PPP1R1A: variants seen among roughly 807,000 people sequenced by gnomAD.
PPP1R1A encodes protein phosphatase 1 regulatory subunit 1A.
Under a neutral mutation model 23.9 loss-of-function variants are expected in PPP1R1A, and 18 were observed. That is an observed-to-expected ratio of 0.75 (90% CI 0.52 to 1.12). The LOEUF (loss-of-function observed/expected upper bound fraction) is 1.12. Among genes scored for constraint, PPP1R1A ranks in the 50% most tolerant of loss-of-function variants. PPP1R1A has a pLI of 0.00. For missense variants in PPP1R1A, 207 were observed against 223.8 expected, an observed-to-expected ratio of 0.92 and a Z score of 0.48; for synonymous variants, 84 against 80.7, an observed-to-expected ratio of 1.04 and a Z score of -0.22.
At position 54,581,546 on chromosome 12, in the gene PPP1R1A, G is replaced by A. The variant is rs752929745; in HGVS notation, c.403+430C>T. On this transcript the variant is annotated intron_variant, in intron 5 of 6. Coordinates refer to ENST00000257905, the MANE Select transcript of PPP1R1A (RefSeq NM_006741.4). The surrounding 1 kb of genome is among the most constrained non-coding windows in gnomAD (Gnocchi z 4.1). ...AGCTTCCACTTATTGCATGCTCTGT[G>A]TGTGTCGGGTGCTGTGTCAACAGCC... 2.6e-5 allele frequency among the ~76,000 whole-genome samples: 4 copies of A among 152,214 alleles called. No individual in the cohort carries two copies. The highest frequency in any genetic ancestry group is 4.8e-5 in the African/African-American group (2 of 41,438).
intron 3 of PPP1R1A, 32 bp from the exon 4 acceptor site, chr12:54,582,827 A>G: frequency 1.9e-6 from 3 of 1,600,940 alleles, no homozygotes; most frequent in Non-Finnish European, 2.6e-6. Context: ...GATGGGCGCC[A>G]GCCCCCCCTT....
Position 54,581,637 on chromosome 12 carries a change from A to C in PPP1R1A, c.403+339T>G, listed in dbSNP as rs916544335. ...ACCCTCATTATCATTTTATACCCTG[A>C]GGTTAAGTCGTTCAAGGCCTCTCAG... On this transcript the variant is annotated intron_variant, in intron 5 of 6. Transcript: ENST00000257905. This position sits in a 1 kb window ranked among gnomAD's most constrained non-coding sequence, Gnocchi z 4.1. Among the ~76,000 whole-genome samples, 5 of 152,062 alleles carry C rather than the reference A, an allele frequency of 3.3e-5. No individual in the cohort carries two copies. Among genetic ancestry groups the C allele is most frequent in the African/African-American group, 1.2e-4 (5 of 41,402 alleles).
chr12:54,580,804 T>C (rs1957847515), intron 6 of PPP1R1A, 140 bp downstream of exon 6: 1 of 808,400 alleles, frequency 1.2e-6, no homozygotes, highest in Non-Finnish European at 2.2e-6. Context: ...CAAGTCCTTT[T>C]ACCATAAAGA....
At position 54,582,758 on chromosome 12, in the gene PPP1R1A, A is replaced by G. The variant is rs569781355; in HGVS notation, c.221T>C (p.Met74Thr). The G allele has an allele frequency of 6.2e-7, 1 of 1,613,790 alleles. No individual in the cohort carries two copies. The highest frequency in any genetic ancestry group is 1.3e-5 in the African/African-American group (1 of 75,048). Reference protein sequence around the residue: ...LAMSPRQRKKMTRITPTMKEL... With the variant: ...LAMSPRQRKKTTRITPTMKEL... Reference sequence around the variant, plus strand: ...TTTCATTGTGGGTGTGATCCTTGTCATCTTCTTCCGTTGCCGTGGAGACAT... The same window carrying G: ...TTTCATTGTGGGTGTGATCCTTGTCGTCTTCTTCCGTTGCCGTGGAGACAT... The change falls in exon 4 of 7, where the codon ATG becomes ACG. Residue 74 changes from methionine to threonine, a missense_variant. Physicochemically the swap from Met to Thr is moderately conservative, Grantham distance 81. Coordinates refer to ENST00000257905, the MANE Select transcript of PPP1R1A (RefSeq NM_006741.4).
intron 2 of PPP1R1A, 100 bp from the exon 3 acceptor site, chr12:54,583,348 C>T (rs1360326757): frequency 1.7e-6 from 2 of 1,154,832 alleles, no homozygotes; most frequent in Non-Finnish European, 2.3e-6. Context: ...CCATGCTCCT[C>T]CTGATCTGTC....
In PPP1R1A at chr12:54,579,976, G is replaced by A; in HGVS notation, c.*411C>T. On this transcript the variant is annotated 3_prime_UTR_variant, in exon 7 of 7. Transcript: ENST00000257905. ...TTCCAGCTGCAGGGCAGGCCTGTGA[G>A]GTGGTCGGATCGTTCCTCAATAAGA... 1.0e-6 allele frequency: 1 copy of A among 1,003,490 alleles called. No individual in the cohort carries two copies. Among genetic ancestry groups the A allele is most frequent in the Non-Finnish European group, 1.2e-6 (1 of 840,622 alleles). 62.2% of individuals were successfully genotyped at this position (1,003,490 alleles called of 1,614,324 possible). A position where few individuals can be genotyped will look rare whatever the true frequency, so the allele number is the denominator to read the frequency against.
chr12:54,584,458 G>T, intron 1 of PPP1R1A, 138 bp from the exon 2 acceptor site: 1 of 764,812 alleles, frequency 1.3e-6, no homozygotes, highest in Non-Finnish European at 2.1e-6. Context: ...GCAGCTGGAG[G>T]CCATTATCCT....
intron 1 of PPP1R1A, among the ~76,000 whole-genome samples, chr12:54,586,287 G>A (rs1283361117): frequency 6.6e-6 from 1 of 152,172 alleles, no homozygotes; most frequent in Non-Finnish European, 1.5e-5. Flanking sequence ...TGGGAATCGT[G>A]ATACCCTTAC....
rs1023099835 is a variant in PPP1R1A at position 54,579,385 on chromosome 12, C to T, written c.*1002G>A. On this transcript the variant is annotated 3_prime_UTR_variant, in exon 7 of 7. Transcript: ENST00000257905. ...AGGTATGTATCTGGGCAAGCTGAGG[C>T]CCAGGAGGAGGCCCCGAGGGCTCAT... 1 of 985,158 alleles carries T rather than the reference C, an allele frequency of 1.0e-6. No individual in the cohort carries two copies. Among genetic ancestry groups the T allele is most frequent in the East Asian group, 1.1e-4 (1 of 8,820 alleles). The allele number at this position is 985,158 out of a possible 1,614,324, so 61.0% of individuals were successfully genotyped here.
rs1289923474 is a variant in PPP1R1A at position 54,580,080 on chromosome 12, C to T, written c.*307G>A. On this transcript the variant is annotated 3_prime_UTR_variant, in exon 7 of 7. Coordinates refer to ENST00000257905, the MANE Select transcript of PPP1R1A (RefSeq NM_006741.4). ...CACCTATCTGACCCTCATCTCTCTT[C>T]CCACAGCAAGTAAAGTCAGGGCTAA... is the stretch of plus-strand genomic sequence containing the variant. The T allele has an allele frequency of 6.3e-6, 7 of 1,104,318 alleles. No individual in the cohort carries two copies. The highest frequency in any genetic ancestry group is 6.6e-6 in the Non-Finnish European group (6 of 902,380). The allele number at this position is 1,104,318 out of a possible 1,614,324, so 68.4% of individuals were successfully genotyped here.
intron 3 of PPP1R1A, 100 bp from the exon 4 acceptor site, chr12:54,582,895 T>TG: frequency 8.1e-7 from 1 of 1,240,048 alleles, no homozygotes; most frequent in Non-Finnish European, 1.1e-6. Flanking sequence ...CCCCCTTGCC[T>TG]TCCTCCTCTG....
chr12:54,584,187 G>A, intron 2 of PPP1R1A, 73 bp downstream of exon 2: 1 of 1,388,652 alleles, frequency 7.2e-7, no homozygotes, highest in Non-Finnish European at 1.0e-6. Context: ...CTTCCATCTA[G>A]CGCCCATCTT....
At position 54,580,942 on chromosome 12, in the gene PPP1R1A, A is replaced by G. The variant is rs553534188; in HGVS notation, c.510+2T>C. ...CCTGGCAGCCCAGCCCTGGGGTCTT[A>G]CCGAGTTGGCTCCCTTGGAATCCAG... On this transcript the variant is annotated splice_donor_variant, in intron 6 of 6. Coordinates refer to ENST00000257905, the MANE Select transcript of PPP1R1A (RefSeq NM_006741.4). LOFTEE classifies it high-confidence loss of function. 1 of 1,610,754 alleles carries G rather than the reference A, an allele frequency of 6.2e-7. No homozygotes were observed. The highest frequency in any genetic ancestry group is 1.1e-5 in the South Asian group (1 of 91,006).
intron 1 of PPP1R1A, among the ~76,000 whole-genome samples, chr12:54,584,565 C>T (rs1045117371): frequency 2.6e-5 from 4 of 152,024 alleles, no homozygotes; most frequent in African/African-American, 7.2e-5. Context: ...AAGATAGGAA[C>T]AATAGACACT....
At position 54,582,017 on chromosome 12, in the gene PPP1R1A, G is replaced by A; in HGVS notation, c.362C>T (p.Thr121Ile). ...QESRPPGIPD[T>I]EVESRLGTSG... is the part of the protein sequence containing the mutation. ...GGTGCCCAGCCTTGACTCCACTTCT[G>A]TGTCTGGGATCCCAGGTGGGCGGGA... Residue 121 changes from threonine (T) to isoleucine (I), a missense_variant, in exon 5 of 7, where the codon ACA becomes ATA. Coordinates refer to ENST00000257905, the MANE Select transcript of PPP1R1A (RefSeq NM_006741.4). The A allele has an allele frequency of 6.2e-7, 1 of 1,613,606 alleles. No homozygotes were observed. The highest frequency in any genetic ancestry group is 8.5e-7 in the Non-Finnish European group (1 of 1,179,736).
chr12:54,588,609 C>A lies in PPP1R1A; in HGVS notation c.-121G>T. On this transcript the variant is annotated 5_prime_UTR_variant, in exon 1 of 7. Coordinates refer to ENST00000257905, the MANE Select transcript of PPP1R1A (RefSeq NM_006741.4). ...GGCCCCGGCCCCAGCCCGGCGCGCT[C>A]GGCTCCCGGCTCCCGGCACAGCGCT... 1 of 357,734 alleles carries A rather than the reference C, an allele frequency of 2.8e-6. No homozygotes were observed. The highest frequency in any genetic ancestry group is 1.2e-4 in the South Asian group (1 of 8,128). 22.2% of individuals were successfully genotyped at this position (357,734 alleles called of 1,614,324 possible). A position where few individuals can be genotyped will look rare whatever the true frequency, so the allele number is the denominator to read the frequency against.
chr12:54,587,789 A>G (rs1592185286), intron 1 of PPP1R1A, among the ~76,000 whole-genome samples: 1 of 151,908 alleles, frequency 6.6e-6, no homozygotes, highest in African/African-American at 2.4e-5. Context: ...CGGAGACTTG[A>G]AGAAGGGAGC....
At chr12:54,583,284 C>A (rs914111708) in intron 2 of PPP1R1A, 36 bp from the exon 3 acceptor site, 2 of 1,463,296 alleles carry the variant, frequency 1.4e-6, no homozygotes. Context: ...GTGATAAGGA[C>A]AGGAAACCAG....
intron 1 of PPP1R1A, among the ~76,000 whole-genome samples, chr12:54,585,238 G>A (rs1365904246): frequency 6.6e-6 from 1 of 152,132 alleles, no homozygotes; most frequent in Non-Finnish European, 1.5e-5. Flanking sequence ...TCCTTGTCAT[G>A]GTAGATATAA....
Sources: allele counts gnomAD v4.1 joint callset (sites outside exome capture counted in the v4.1 genomes callset), GRCh38; gene constraint gnomAD v4.1.1; non-coding constraint Gnocchi (gnomAD v3.1); transcripts MANE v1.5; gene names NCBI Gene and HGNC (gene_info 2026-07-23, HGNC 2026-07-21).